Variants in RHCE observed in about 807,000 individuals in gnomAD.
RHCE encodes the protein Rh blood group CcEe antigens.
Under a neutral mutation model 43.8 loss-of-function variants are expected in RHCE, and 22 were observed. The ratio of observed to expected loss-of-function variants is 0.50; its 90% CI spans 0.36 to 0.72. The LOEUF is 0.72. Among genes scored for constraint, RHCE ranks in the 30% least tolerant of loss-of-function variants. The pLI is 0.00. For synonymous variants in RHCE, 156 were observed against 210.7 expected (o/e 0.74, Z 2.25); for missense variants, 385 against 525.4 (o/e 0.73, Z 2.61).
chr1:25,429,221 GTTTTTTTTTTTT>G (rs386366538), intron 1 of RHCE, among the ~76,000 whole-genome samples: 1 of 112,386 alleles, frequency 8.9e-6, no homozygotes, highest in East Asian at 2.5e-4. Flanking sequence ...TTCCTGGGAA[GTTTTTTTTTTTT>G]TTTTTTTTTT....
rs746933600 is a variant in RHCE, at chr1:25,370,472, A to G, written c.1222T>C (p.Trp408Arg). 2 of 1,611,686 alleles carry G rather than the reference A, an allele frequency of 1.2e-6. No homozygotes were observed. The highest frequency in any genetic ancestry group is 3.3e-5 in the Admixed American group (2 of 59,976). Residue 408 changes from tryptophan to arginine, a missense_variant, in exon 9 of 10, where the codon TGG (tryptophan) becomes CGG (arginine). By Grantham distance (101) the Trp-to-Arg change is moderately radical. Transcript: ENST00000294413. ...TAATAGGTGAAAAATCTTACCTTCC[A>G]GAAAACTTGGTCATCAAAATATTTA... is the stretch of plus-strand genomic sequence containing the variant. ...VAKYFDDQVF[W>R]KFPHLAVGF
upstream of RHCE, among the ~76,000 whole-genome samples, chr1:25,425,658 C>T (rs1400700734): frequency 2.0e-5 from 3 of 152,218 alleles, no homozygotes; most frequent in African/African-American, 4.8e-5. Context: ...ATGTCCACGG[C>T]GTGCTGGTCT....
chr1:25,430,165 G>A (rs974223832), exon 1 of RHCE: 1 of 152,000 alleles, frequency 6.6e-6, no homozygotes, highest in African/African-American at 2.4e-5. Flanking sequence ...TGGAGCCCGG[G>A]CCGCACCGCC....
chr1:25,389,423 A>G lies in RHCE; in HGVS notation c.802-310T>C, dbSNP rs577918220. On this transcript the variant is annotated intron_variant, in intron 5 of 9. Transcript: ENST00000294413. ...ACACTCATTAGTGGTGTGTCCCTGG[A>G]CAGCGGGAAGAATGGGTTTTTGTTT... Among the ~76,000 whole-genome samples the G allele has an allele frequency of 1.3e-3, 196 of 152,198 alleles. 1 individual carries two copies. The highest frequency in any genetic ancestry group is 4.3e-3 in the African/African-American group (177 of 41,516).
Position 25,385,745 on chromosome 1 carries a change from G to C in RHCE, c.1039C>G (p.Leu347Val). 6.2e-7 allele frequency: 1 copy of C among 1,613,948 alleles called. No individual in the cohort carries two copies. The highest frequency in any genetic ancestry group is 8.5e-7 in the Non-Finnish European group (1 of 1,180,002). ...LLGEITYIVLLVLHTVWNGNG... is the reference protein window; with the variant it reads ...LLGEITYIVLVVLHTVWNGNG... Reference sequence around the variant, plus strand: ...CCGTTCCAGACAGTATGAAGCACCAGCAGCACAATGTAGGTGATCTCTCCA... The same window carrying C: ...CCGTTCCAGACAGTATGAAGCACCACCAGCACAATGTAGGTGATCTCTCCA... The change falls in exon 7 of 10, where the codon CTG becomes GTG. Residue 347 changes from leucine to valine, a missense_variant. By Grantham distance (32) the Leu-to-Val change is conservative (BLOSUM62 1). Around this residue, in one of 6 missense-constraint regions of RHCE, gnomAD observed 82 missense variants for 69.2 expected, o/e 1.18. Transcript: ENST00000294413.
intron 5 of RHCE, among the ~76,000 whole-genome samples, chr1:25,390,534 C>G (rs183134507): frequency 8.5e-4 from 130 of 152,328 alleles, no homozygotes; most frequent in African/African-American, 2.9e-3. Flanking sequence ...ATCACTCCCC[C>G]CAGAAAGCCT....
intron 1 of RHCE, among the ~76,000 whole-genome samples, chr1:25,413,433 A>G (rs1647162975): frequency 6.6e-6 from 1 of 152,142 alleles, no homozygotes; most frequent in Non-Finnish European, 1.5e-5. Context: ...CTGCACTCAC[A>G]TCAGCTGCTG....
upstream of RHCE, among the ~76,000 whole-genome samples, chr1:25,423,683 G>A (rs950316641): frequency 2.6e-5 from 4 of 152,148 alleles, no homozygotes; most frequent in South Asian, 2.1e-4. Context: ...TACATTTCCC[G>A]ATATTCTGTC....
Position 25,408,770 on chromosome 1 carries a change from A to G in RHCE, c.248T>C (p.Met83Thr), listed in dbSNP as rs1319287415. The G allele has an allele frequency of 7.8e-7, 1 of 1,282,876 alleles. No homozygotes were observed. The highest frequency in any genetic ancestry group is 2.3e-5 in the Admixed American group (1 of 43,212). The allele number at this position is 1,282,876 out of a possible 1,614,324, so 79.5% of individuals were successfully genotyped here. ...TGCCCACTGCACACCAAGCGCCAGC[A>G]TGAAGAGGTTGAAGGCCACACTGCT... ...SWSSVAFNLF[M>T]LALGVQWAIL... The change falls in exon 2 of 10, where the codon ATG (methionine) becomes ACG (threonine). Residue 83 changes from methionine to threonine, a missense_variant. Around this residue, in one of 6 missense-constraint regions of RHCE, gnomAD observed 110 missense variants for 192.1 expected, o/e 0.57. Transcript: ENST00000294413.
intron 7 of RHCE, among the ~76,000 whole-genome samples, chr1:25,376,266 A>G (rs1193226050): frequency 6.6e-6 from 1 of 152,110 alleles, no homozygotes; most frequent in African/African-American, 2.4e-5. Context: ...TCAAACATTA[A>G]GCTATTACGG....
chr1:25,419,957 C>T, intron 1 of RHCE, among the ~76,000 whole-genome samples: 1 of 145,706 alleles, frequency 6.9e-6, no homozygotes, highest in East Asian at 2.0e-4. Flanking sequence ...GCTGGAGGAT[C>T]GCTTGTGTCC....
At chr1:25,372,475 C>T (rs1471951850) in intron 8 of RHCE, among the ~76,000 whole-genome samples, 2 of 151,004 alleles carry the variant, frequency 1.3e-5, no homozygotes, top group East Asian at 1.9e-4. Context: ...GCCGAGATAG[C>T]GCCATTGCAC....
intron 3 of RHCE, among the ~76,000 whole-genome samples, chr1:25,394,566 A>ATATCT (rs1428725556): frequency 5.3e-5 from 8 of 152,032 alleles, no homozygotes; most frequent in Non-Finnish European, 1.2e-4. Flanking sequence ...CTAACATGCT[A>ATATCT]TATCTTTTGC....
At chr1:25,401,758 A>C (rs1646749644) in intron 3 of RHCE, among the ~76,000 whole-genome samples, 1 of 152,234 alleles carries the variant, frequency 6.6e-6, no homozygotes, top group Non-Finnish European at 1.5e-5. Flanking sequence ...GCACAATCCT[A>C]CAGGATTATA....
intron 5 of RHCE, 32 bp downstream of exon 5, chr1:25,390,717 C>A (rs754249404): frequency 6.2e-7 from 1 of 1,614,012 alleles, no homozygotes; most frequent in Admixed American, 1.7e-5. Flanking sequence ...CTGTTAGACC[C>A]AAGTGCTGCC....
At chr1:25,395,306 C>T (rs951407638) in intron 3 of RHCE, among the ~76,000 whole-genome samples, 5 of 149,636 alleles carry the variant, frequency 3.3e-5, no homozygotes, top group African/African-American at 1.0e-4. Flanking sequence ...GGATCTGGGA[C>T]ATAGAAATGC....
intron 2 of RHCE, among the ~76,000 whole-genome samples, chr1:25,426,980 C>T (rs2042809244): frequency 6.6e-6 from 1 of 152,030 alleles, no homozygotes; most frequent in Non-Finnish European, 1.5e-5. Flanking sequence ...TCACTTGAAC[C>T]CAGGAGGCAG....
At chr1:25,423,540 G>A (rs556396867), upstream of RHCE, among the ~76,000 whole-genome samples, 4 of 152,282 alleles carry the variant, frequency 2.6e-5, no homozygotes, top group East Asian at 1.9e-4. Context: ...AGAGGATCCC[G>A]CTCCTCGCAG....
chr1:25,371,515 T>A (rs1645611447), intron 8 of RHCE, among the ~76,000 whole-genome samples: 1 of 151,308 alleles, frequency 6.6e-6, no homozygotes. Flanking sequence ...GGACCACAAG[T>A]GTGTGCTACC....
Sources: allele counts gnomAD v4.1 joint callset (sites outside exome capture counted in the v4.1 genomes callset), GRCh38; gene constraint gnomAD v4.1.1; regional missense constraint gnomAD v4.1.1; transcripts MANE v1.5; gene names NCBI Gene and HGNC (gene_info 2026-07-23, HGNC 2026-07-21).